FLCN: variants seen among roughly 807,000 people sequenced by gnomAD.
FLCN encodes BHD skin lesion fibrofolliculoma protein.
FLCN carries 22 observed loss-of-function variants against 62.5 expected under a neutral mutation model. That is an observed-to-expected ratio of 0.35 (90% CI 0.25 to 0.50). The LOEUF is 0.50. FLCN is among the 20% of genes least tolerant of loss of function. The pLI is 0.97. For synonymous variants in FLCN, 319 were observed against 310.0 expected (o/e 1.03, Z -0.30); for missense variants, 657 against 778.0 (o/e 0.84, Z 1.85).
rs763569367 is a variant in FLCN, at chr17:17,216,486, G to A, written c.1194C>T (p.Gly398=). The A allele has an allele frequency of 1.9e-6, 3 of 1,613,870 alleles. No homozygotes were observed. In the South Asian group the frequency reaches 3.3e-5, roughly 18 times the overall value. The change falls in exon 11 of 14, where the codon GGC becomes GGT. Residue 398 remains glycine, a synonymous_variant. Transcript: ENST00000285071. The surrounding 1 kb of genome is among the most constrained non-coding windows in gnomAD (Gnocchi z 4.0). The part of the protein sequence containing the change: ...FEVLRTMLPV[G]CVRIIPYSSQ... Reference sequence around the variant, plus strand: ...TGCTGTATGGGATGATGCGGACGCAGCCCACGGGAAGCATGGTCTGAGGAG... The same window carrying A: ...TGCTGTATGGGATGATGCGGACGCAACCCACGGGAAGCATGGTCTGAGGAG...
In FLCN at chr17:17,219,315, G is replaced by A. The variant is rs1373673637; in HGVS notation, c.872-106C>T. On this transcript the variant is annotated intron_variant, in intron 8 of 13. Transcript: ENST00000285071. ...AGCCGGTCAGTGTAGATTCCTGGCT[G>A]CGGCCAGGTCCTATGCTCCCTGCTC... The A allele has an allele frequency of 2.4e-5, 30 of 1,254,776 alleles. No homozygotes were observed. The East Asian group carries it at 6.5e-4, about 27-fold the overall frequency. The allele number at this position is 1,254,776 out of a possible 1,614,324, so 77.7% of individuals were successfully genotyped here. A position where few individuals can be genotyped will look rare whatever the true frequency, so the allele number is the denominator to read the frequency against.
Position 17,217,124 on chromosome 17 carries a change from A to T in FLCN, c.1121T>A (p.Val374Glu). Reference protein sequence around the residue: ...LAWHVLMGNQVIWKSRDVDLV... With the variant: ...LAWHVLMGNQEIWKSRDVDLV... ...GTCCACGTCTCTGCTTTTCCAGATCACCTGGTTCCCCATGAGAACGTGCCA... is the reference window on the plus strand; with the variant it reads ...GTCCACGTCTCTGCTTTTCCAGATCTCCTGGTTCCCCATGAGAACGTGCCA... The change falls in exon 10 of 14, where the codon GTG (valine) becomes GAG (glutamate). Residue 374 changes from valine to glutamate, a missense_variant. Physicochemically the swap from Val to Glu is moderately radical, Grantham distance 121. Transcript: ENST00000285071. 1 of 1,614,096 alleles carries T rather than the reference A, an allele frequency of 6.2e-7. No individual in the cohort carries two copies. Among genetic ancestry groups the T allele is most frequent in the Non-Finnish European group, 8.5e-7 (1 of 1,180,028 alleles).
At chr17:17,222,725 T>A in intron 6 of FLCN, 64 bp from the exon 7 acceptor site, 1 of 1,605,060 alleles carries the variant, frequency 6.2e-7, no homozygotes, top group Non-Finnish European at 8.5e-7. Context: ...GGACCCCTAC[T>A]CGTTCACAGC....
At chr17:17,228,492 G>A (rs2047327150) in intron 3 of FLCN, 1 of 328,090 alleles carries the variant, frequency 3.0e-6, no homozygotes, top group African/African-American at 2.1e-5. Flanking sequence ...GCCAAACCTG[G>A]CAAACCCTGT....
At position 17,216,373 on chromosome 17, in the gene FLCN, C is replaced by T; in HGVS notation, c.1300+7G>A. 6.2e-7 allele frequency: 1 copy of T among 1,613,198 alleles called. No homozygotes were observed. Among genetic ancestry groups the T allele is most frequent in the Non-Finnish European group, 8.5e-7 (1 of 1,179,628 alleles). ...GGCATGGCCCCACAGCCCGCGGGGG[C>T]ACGCACCTGAGGAGAGCACGTGGGG... is the stretch of plus-strand genomic sequence containing the variant. On this transcript the variant is annotated splice_region_variant and intron_variant, in intron 11 of 13. Transcript: ENST00000285071. The surrounding 1 kb of genome is among the most constrained non-coding windows in gnomAD (Gnocchi z 4.0).
rs150712346 is a variant in FLCN, at chr17:17,227,892, G to C, written c.246C>G (p.Cys82Trp). The change falls in exon 4 of 14, where the codon TGC becomes TGG. Residue 82 changes from cysteine (C) to tryptophan (W), a missense_variant. Cys to Trp is a radical substitution (Grantham distance 215, BLOSUM62 -2). Coordinates refer to ENST00000285071, the MANE Select transcript of FLCN (RefSeq NM_144997.7). ...SSPGPKKSDM[C>W]EGCRSLAAGH... ...CCAAGACCCCAAAGACACTTGCCTC[G>C]CACATGTCCGACTTTTTGGGCCCCG... 1.9e-6 allele frequency: 3 copies of C among 1,613,948 alleles called. No individual in the cohort carries two copies.
At chr17:17,229,790 C>A (rs1238831816) in intron 3 of FLCN, among the ~76,000 whole-genome samples, 20 of 152,174 alleles carry the variant, frequency 1.3e-4, no homozygotes. Context: ...GTAGAGAGAG[C>A]CCTTTGGAGA....
intron 3 of FLCN, among the ~76,000 whole-genome samples, chr17:17,230,677 G>A (rs1437158536): frequency 1.3e-5 from 2 of 149,030 alleles, no homozygotes; most frequent in Non-Finnish European, 3.0e-5. Flanking sequence ...AGTGAGCCAA[G>A]ACTAGGTCAC....
intron 3 of FLCN, 42 bp from the exon 4 acceptor site, chr17:17,228,203 G>T: frequency 6.3e-7 from 1 of 1,584,602 alleles, no homozygotes; most frequent in South Asian, 1.1e-5. Flanking sequence ...AATGCCTATT[G>T]ACTCCATGAA....
chr17:17,219,352 G>C (rs1243848252), intron 8 of FLCN, 143 bp from the exon 9 acceptor site: 3 of 782,828 alleles, frequency 3.8e-6, no homozygotes, highest in Non-Finnish European at 4.4e-6. Flanking sequence ...CTGTTGCTCT[G>C]GGAGCCCTGG....
chr17:17,228,551 C>CCG, intron 3 of FLCN: 9 of 255,086 alleles, frequency 3.5e-5, no homozygotes, highest in South Asian at 1.0e-4. Context: ...CCACCCAATA[C>CCG]ATATCTGCTT....
At position 17,224,027 on chromosome 17, in the gene FLCN, G is replaced by A. The variant is rs2047176822; in HGVS notation, c.513C>T (p.Ser171=). 1 of 1,613,732 alleles carries A rather than the reference G, an allele frequency of 6.2e-7. No individual in the cohort carries two copies. The highest frequency in any genetic ancestry group is 8.5e-7 in the Non-Finnish European group (1 of 1,180,044). ...TCCGGTCCATCATGATGGTGATGAT[G>A]CTGTACCAGCGCTGGAAGCCCCTGG... ...SLARGFQRWY[S]IITIMMDRIY... The change falls in exon 6 of 14, where the codon AGC becomes AGT. Residue 171 remains serine (S), a synonymous_variant. Transcript: ENST00000285071.
At chr17:17,228,383 C>T in intron 3 of FLCN, 1 of 542,692 alleles carries the variant, frequency 1.8e-6, no homozygotes, top group East Asian at 3.2e-5. Flanking sequence ...GGGGAGGGGA[C>T]AATGTGGACC....
Position 17,237,086 on chromosome 17 carries a change from G to C in FLCN, c.-402C>G, listed in dbSNP as rs1002772898. ...CAGGGATGTCACCCGGGGTGGCGAG[G>C]CTCTCAAGCCCGGGTTCAGGCTCTC... On this transcript the variant is annotated 5_prime_UTR_variant, in exon 1 of 14. Coordinates refer to ENST00000285071, the MANE Select transcript of FLCN (RefSeq NM_144997.7). The C allele has an allele frequency of 6.6e-6, 1 of 152,214 alleles. No individual in the cohort carries two copies. The highest frequency in any genetic ancestry group is 1.5e-5 in the Non-Finnish European group (1 of 68,042). 9.4% of individuals were successfully genotyped at this position (152,214 alleles called of 1,614,324 possible). A position where few individuals can be genotyped will look rare whatever the true frequency, so the allele number is the denominator to read the frequency against.
chr17:17,228,432 A>G (rs2047325849), intron 3 of FLCN: 1 of 447,512 alleles, frequency 2.2e-6, no homozygotes, highest in Non-Finnish European at 4.1e-6. Flanking sequence ...AGCCACAGCC[A>G]CAAAGCCAAC....
chr17:17,216,086 C>T lies in FLCN; in HGVS notation c.1300+294G>A, dbSNP rs2046910324. 1.3e-5 allele frequency among the ~76,000 whole-genome samples: 2 copies of T among 152,182 alleles called. No homozygotes were observed. The highest frequency in any genetic ancestry group is 2.1e-4 in the South Asian group (1 of 4,830). On this transcript the variant is annotated intron_variant, in intron 11 of 13. Coordinates refer to ENST00000285071, the MANE Select transcript of FLCN (RefSeq NM_144997.7). The surrounding 1 kb of genome is among the most constrained non-coding windows in gnomAD (Gnocchi z 4.0). ...TCAGCAGGCCTCCATCTCATAGGCACCCAATCACCAGGACGACCAGGATCC... is the reference window on the plus strand; with the variant it reads ...TCAGCAGGCCTCCATCTCATAGGCATCCAATCACCAGGACGACCAGGATCC...
In FLCN at chr17:17,222,582, C is replaced by T; in HGVS notation, c.698G>A (p.Arg233Lys). The change falls in exon 7 of 14, where the codon AGG becomes AAG. Residue 233 changes from arginine (R) to lysine (K), a missense_variant. Physicochemically the swap from Arg to Lys is conservative, Grantham distance 26. Coordinates refer to ENST00000285071, the MANE Select transcript of FLCN (RefSeq NM_144997.7). Reference sequence around the variant, plus strand: ...CAGCGAGCGGGCGGCGTTGCCGTTCCTCTGGTGTAGGAATGGCGTGAAGGC... The same window carrying T: ...CAGCGAGCGGGCGGCGTTGCCGTTCTTCTGGTGTAGGAATGGCGTGAAGGC... ...NTAFTPFLHQ[R>K]NGNAARSLTS... is the part of the protein sequence containing the mutation. The T allele has an allele frequency of 6.2e-7, 1 of 1,614,258 alleles. No homozygotes were observed. Among genetic ancestry groups the T allele is most frequent in the South Asian group, 1.1e-5 (1 of 91,088 alleles).
At position 17,213,409 on chromosome 17, in the gene FLCN, C is replaced by G. The variant is rs971577575; in HGVS notation, c.*246G>C. 9 of 598,186 alleles carry G rather than the reference C, an allele frequency of 1.5e-5. No individual in the cohort carries two copies. The highest frequency in any genetic ancestry group is 7.7e-5 in the South Asian group (4 of 51,876). The allele number at this position is 598,186 out of a possible 1,614,324, so 37.1% of individuals were successfully genotyped here. A position where few individuals can be genotyped will look rare whatever the true frequency, so the allele number is the denominator to read the frequency against. Reference sequence around the variant, plus strand: ...GTCGTCTCTCCAAGGAGTTTGAACACAGAGAGAGCCCATCATCCCTCCGCC... The same window carrying G: ...GTCGTCTCTCCAAGGAGTTTGAACAGAGAGAGAGCCCATCATCCCTCCGCC... On this transcript the variant is annotated 3_prime_UTR_variant, in exon 14 of 14. Coordinates refer to ENST00000285071, the MANE Select transcript of FLCN (RefSeq NM_144997.7).
chr17:17,229,820 C>T (rs2047368366), intron 3 of FLCN, among the ~76,000 whole-genome samples: 1 of 152,120 alleles, frequency 6.6e-6, no homozygotes. Context: ...GCAGAGCCAG[C>T]AATGGGACAC....
Sources: gnomAD v4.1 joint callset for allele counts (sites outside exome capture counted in the v4.1 genomes callset) on GRCh38, gnomAD v4.1.1 for gene constraint, Gnocchi (gnomAD v3.1) non-coding constraint, MANE v1.5 for transcripts, NCBI Gene and HGNC (gene_info 2026-07-23, HGNC 2026-07-21) for gene names.